DLGAP2: variants seen among roughly 807,000 people sequenced by gnomAD.
DLGAP2 encodes DLG associated protein 2.
Under a neutral mutation model 100.3 loss-of-function variants are expected in DLGAP2, and 26 were observed. The observed-to-expected ratio is 0.26, with a 90% CI of 0.19 to 0.36. DLGAP2 has a LOEUF of 0.36. Among genes scored for constraint, DLGAP2 ranks in the 10% least tolerant of loss-of-function variants. DLGAP2 has a pLI of 1.00. For missense variants in DLGAP2, 1,858 were observed against 1,453.2 expected, an observed-to-expected ratio of 1.28 and a Z score of -4.53; for synonymous variants, 886 against 630.1, an observed-to-expected ratio of 1.41 and a Z score of -6.08.
intron 3 of DLGAP2, among the ~76,000 whole-genome samples, chr8:1,312,520 GT>G (rs1456801376): frequency 6.6e-6 from 1 of 152,116 alleles, no homozygotes; most frequent in Non-Finnish European, 1.5e-5. Flanking sequence ...CAGATTCAGG[GT>G]TTCTGGGGGC....
intron 2 of DLGAP2, among the ~76,000 whole-genome samples, chr8:1,133,388 A>G (rs1005410419): frequency 2.6e-5 from 4 of 152,220 alleles, no homozygotes; most frequent in Non-Finnish European, 5.9e-5. Flanking sequence ...TTATCATAAA[A>G]TTATATTGAT....
chr8:1,214,125 T>C (rs1243875974), intron 2 of DLGAP2, among the ~76,000 whole-genome samples: 2 of 152,130 alleles, frequency 1.3e-5, no homozygotes, highest in Admixed American at 1.3e-4. Context: ...CTTACCACAC[T>C]TTCTCCCAGC....
chr8:743,838 T>A (rs1820547611), intron 1 of DLGAP2, among the ~76,000 whole-genome samples: 2 of 152,266 alleles, frequency 1.3e-5, no homozygotes, highest in Non-Finnish European at 2.9e-5. Flanking sequence ...ATGTTGCGAT[T>A]GTGGGCATGG....
intron 1 of DLGAP2, among the ~76,000 whole-genome samples, chr8:836,055 G>T (rs1241310887): frequency 6.6e-6 from 1 of 152,208 alleles, no homozygotes; most frequent in Non-Finnish European, 1.5e-5. Flanking sequence ...AATAAATGCC[G>T]AGATGTAAAG....
At chr8:1,237,586 C>G (rs1798691335) in intron 2 of DLGAP2, among the ~76,000 whole-genome samples, 1 of 146,850 alleles carries the variant, frequency 6.8e-6, no homozygotes, top group African/African-American at 2.6e-5. Context: ...GGCACCGTGT[C>G]TAGTTCTCTC....
At chr8:1,299,551 C>G (rs757637351) in intron 3 of DLGAP2, among the ~76,000 whole-genome samples, 2 of 152,228 alleles carry the variant, frequency 1.3e-5, no homozygotes, top group Non-Finnish European at 2.9e-5. Context: ...ACTCGGTTTT[C>G]AGAATTCACT....
At chr8:1,445,700 C>A (rs1202188736) in intron 3 of DLGAP2, among the ~76,000 whole-genome samples, 1 of 152,114 alleles carries the variant, frequency 6.6e-6, no homozygotes, top group Non-Finnish European at 1.5e-5. Context: ...ATTTACAGTC[C>A]CACTAACAGT....
At chr8:870,334 C>T (rs1392002055) in intron 1 of DLGAP2, among the ~76,000 whole-genome samples, 4 of 152,286 alleles carry the variant, frequency 2.6e-5, no homozygotes, top group African/African-American at 4.8e-5. Context: ...CAGTACTGGA[C>T]ATCTTCACTG....
intron 3 of DLGAP2, among the ~76,000 whole-genome samples, chr8:1,419,802 G>C (rs1797039763): frequency 1.3e-5 from 2 of 152,126 alleles, no homozygotes; most frequent in Non-Finnish European, 2.9e-5. Context: ...CAGCATGGAG[G>C]TTCCTCAAAA....
At chr8:1,507,610 C>T (rs760549713) in intron 4 of DLGAP2, among the ~76,000 whole-genome samples, 2 of 152,198 alleles carry the variant, frequency 1.3e-5, no homozygotes, top group East Asian at 1.9e-4. Flanking sequence ...GAGTGGGCGC[C>T]GAGGCGGAGG....
chr8:1,058,754 G>T (rs1802960416), intron 2 of DLGAP2, among the ~76,000 whole-genome samples: 1 of 152,208 alleles, frequency 6.6e-6, no homozygotes, highest in Non-Finnish European at 1.5e-5. Context: ...AAGCTACAAA[G>T]ATCAAGTGAT....
At chr8:1,076,197 G>A (rs75440569) in intron 2 of DLGAP2, among the ~76,000 whole-genome samples, 6,424 of 152,246 alleles carry the variant, frequency 0.042, 202 homozygotes, top group Non-Finnish European at 0.067. Flanking sequence ...GACGTTCTCC[G>A]CCTCTCCCCT....
At chr8:1,269,168 C>G (rs530596292) in intron 3 of DLGAP2, among the ~76,000 whole-genome samples, 1 of 152,226 alleles carries the variant, frequency 6.6e-6, no homozygotes, top group African/African-American at 2.4e-5. Flanking sequence ...GGGCCATGTT[C>G]GTTGCTGCTT....
intron 2 of DLGAP2, among the ~76,000 whole-genome samples, chr8:1,046,534 G>C (rs923906040): frequency 2.0e-5 from 3 of 152,174 alleles, no homozygotes; most frequent in African/African-American, 7.2e-5. Context: ...ACCTAAGTAA[G>C]AATCCACATT....
intron 6 of DLGAP2, among the ~76,000 whole-genome samples, chr8:1,600,899 G>T (rs997454554): frequency 6.6e-6 from 1 of 152,106 alleles, no homozygotes; most frequent in African/African-American, 2.4e-5. Context: ...TCTCTGTCCG[G>T]TTCTGTTCCC....
At chr8:939,728 TG>T in intron 2 of DLGAP2, among the ~76,000 whole-genome samples, 1 of 74,718 alleles carries the variant, frequency 1.3e-5, no homozygotes, top group African/African-American at 6.7e-5. Context: ...ACAGGGGGGC[TG>T]GGGTGCCTGG....
chr8:1,707,296 A>C lies in DLGAP2; in HGVS notation c.*5890A>C. On this transcript the variant is annotated 3_prime_UTR_variant, in exon 15 of 15. Coordinates refer to ENST00000637795, the MANE Select transcript of DLGAP2 (RefSeq NM_001346810.2). Reference sequence around the variant, plus strand: ...ATTTAAGTTCAAATTTATCTCTTTCAAGTAGACCATGGTCTCCCTAGAGAG... The same window carrying C: ...ATTTAAGTTCAAATTTATCTCTTTCCAGTAGACCATGGTCTCCCTAGAGAG... 1 of 152,496 alleles carries C rather than the reference A, an allele frequency of 6.6e-6. No homozygotes were observed. Among genetic ancestry groups the C allele is most frequent in the Non-Finnish European group, 1.5e-5 (1 of 68,020 alleles). 9.4% of individuals were successfully genotyped at this position (152,496 alleles called of 1,614,324 possible).
At chr8:843,854 G>C (rs1184125077) in intron 1 of DLGAP2, among the ~76,000 whole-genome samples, 1 of 152,172 alleles carries the variant, frequency 6.6e-6, no homozygotes, top group Non-Finnish European at 1.5e-5. Context: ...CGGGTATTAA[G>C]TTGTCAATAA....
At position 1,587,845 on chromosome 8, in the gene DLGAP2, A is replaced by T. The variant is rs560319930; in HGVS notation, c.1442+21951A>T. Among the ~76,000 whole-genome samples the T allele has an allele frequency of 4.4e-3, 667 of 152,064 alleles. 2 individuals are homozygous for T. Among genetic ancestry groups the T allele is most frequent in the African/African-American group, 0.015 (626 of 41,504 alleles). ...AAATAAAATACCATGATTTTTTTCC[A>T]TTTCTAATTATATGAAGTCTTAACT... On this transcript the variant is annotated intron_variant, in intron 6 of 14. Transcript: ENST00000637795.
Sources: gnomAD v4.1 joint callset for allele counts (sites outside exome capture counted in the v4.1 genomes callset) on GRCh38, gnomAD v4.1.1 for gene constraint, MANE v1.5 for transcripts, NCBI Gene and HGNC (gene_info 2026-07-23, HGNC 2026-07-21) for gene names.